The following NEK10 variants were observed in gnomAD, a reference collection of about 807,000 sequenced individuals.
NEK10 encodes serine/threonine-protein kinase Nek10.
Under a neutral mutation model 159.8 loss-of-function variants are expected in NEK10, and 122 were observed. That is an observed-to-expected ratio of 0.76 (90% CI 0.66 to 0.89). The LOEUF (loss-of-function observed/expected upper bound fraction) is 0.89. Ranked by LOEUF, NEK10 falls within the 40% of genes least tolerant of loss-of-function variation. The probability of loss-of-function intolerance (pLI) is 0.00; values close to 1 mark genes in which losing one functional copy is unlikely to be tolerated. For missense variants in NEK10, 1,342 were observed against 1,323.1 expected (o/e 1.01, Z -0.22); for synonymous variants, 466 against 457.1 (o/e 1.02, Z -0.25).
At chr3:27,339,809 T>C (rs2047075513) in intron 5 of NEK10, among the ~76,000 whole-genome samples, 1 of 147,316 alleles carries the variant, frequency 6.8e-6, no homozygotes, top group South Asian at 2.1e-4. Context: ...CACAATGAGA[T>C]AGCATCTCAC....
intron 30 of NEK10, among the ~76,000 whole-genome samples, chr3:27,145,496 T>G (rs1944213391): frequency 6.6e-6 from 1 of 150,952 alleles, no homozygotes; most frequent in African/African-American, 2.5e-5. Flanking sequence ...CATTACATAA[T>G]TATATTTGCT....
chr3:27,312,974 T>C (rs1559483778), intron 7 of NEK10, among the ~76,000 whole-genome samples: 2 of 152,096 alleles, frequency 1.3e-5, no homozygotes, highest in Non-Finnish European at 2.9e-5. Context: ...ATTATGAAAA[T>C]CATTCTTTCT....
rs1364326644 is a variant in NEK10 at position 27,106,533 on chromosome 3, T to C, written c.*4739A>G. Among the ~76,000 whole-genome samples, 2 of 152,238 alleles carry C rather than the reference T, an allele frequency of 1.3e-5. No individual in the cohort carries two copies. Among genetic ancestry groups the C allele is most frequent in the Middle Eastern group, 3.2e-3 (1 of 316 alleles). Reference sequence around the variant, plus strand: ...ATTTAATAGCCATTTACAAGCTTTATATTCTATTTCAGAATCTTGACTCAA... The same window carrying C: ...ATTTAATAGCCATTTACAAGCTTTACATTCTATTTCAGAATCTTGACTCAA... On this transcript the variant is annotated 3_prime_UTR_variant, in exon 36 of 36. Transcript: ENST00000691995.
intron 5 of NEK10, among the ~76,000 whole-genome samples, chr3:27,335,744 C>T (rs181337909): frequency 8.5e-5 from 13 of 152,252 alleles, no homozygotes; most frequent in Middle Eastern, 3.4e-3. Flanking sequence ...GGAAATTAAA[C>T]ATTTGCTCCT....
At chr3:27,303,138 T>C (rs1388306650) in intron 12 of NEK10, among the ~76,000 whole-genome samples, 5 of 152,168 alleles carry the variant, frequency 3.3e-5, no homozygotes, top group African/African-American at 1.2e-4. Context: ...ATATTTAACA[T>C]AGAATAAGAG....
intron 18 of NEK10, 45 bp downstream of exon 18, chr3:27,291,217 G>C: frequency 6.4e-7 from 1 of 1,574,526 alleles, no homozygotes; most frequent in Non-Finnish European, 8.6e-7. Flanking sequence ...TGTGACATCC[G>C]GTTTGGTTGG....
intron 1 of NEK10, among the ~76,000 whole-genome samples, chr3:27,354,482 T>C (rs939262863): frequency 6.6e-6 from 1 of 152,172 alleles, no homozygotes; most frequent in Admixed American, 6.5e-5. Context: ...AAACAGATAA[T>C]TGTCTTTAGG....
chr3:27,301,563 C>G (rs1361957473), intron 13 of NEK10, 133 bp downstream of exon 13: 13 of 654,550 alleles, frequency 2.0e-5, no homozygotes, highest in Non-Finnish European at 3.2e-5. Flanking sequence ...TTTCTGGCAT[C>G]CATGTGGATT....
intron 33 of NEK10, 94 bp from the exon 34 acceptor site, chr3:27,116,221 C>A: frequency 1.9e-6 from 2 of 1,079,148 alleles, no homozygotes; most frequent in Non-Finnish European, 1.4e-6. Flanking sequence ...ACAGGGCAAA[C>A]AGGTCAATTT....
At chr3:27,208,857 C>T (rs377001048) in intron 23 of NEK10, among the ~76,000 whole-genome samples, 6 of 152,178 alleles carry the variant, frequency 3.9e-5, no homozygotes, top group African/African-American at 1.4e-4. Context: ...ATAAGCCTGG[C>T]ATCACGGAAA....
In NEK10 at chr3:27,112,776, G is replaced by A. The variant is rs185168473; in HGVS notation, c.3300-1456C>T. ...TGTGGCCATGAAACTTTATTTTTCA[G>A]AGACTATCTATTGACATCTTTGATA... On this transcript the variant is annotated intron_variant, in intron 35 of 35. Coordinates refer to ENST00000691995, the MANE Select transcript of NEK10 (RefSeq NM_001394966.1). Among the ~76,000 whole-genome samples the A allele has an allele frequency of 2.7e-3, 410 of 152,264 alleles. 6 individuals are homozygous for A. The highest frequency in any genetic ancestry group is 6.8e-3 in the Middle Eastern group (2 of 294).
At chr3:27,154,172 C>T (rs796121393) in intron 30 of NEK10, among the ~76,000 whole-genome samples, 77 of 152,202 alleles carry the variant, frequency 5.1e-4, no homozygotes, top group African/African-American at 1.7e-3. Context: ...ACTATGAACA[C>T]CTTTAAGAAT....
chr3:27,273,961 G>C (rs2041573463), intron 22 of NEK10, among the ~76,000 whole-genome samples: 1 of 152,144 alleles, frequency 6.6e-6, no homozygotes, highest in African/African-American at 2.4e-5. Context: ...AGGTCATTCA[G>C]ATTCTAATCT....
In NEK10 at chr3:27,174,512, C is replaced by T. The variant is rs375301490; in HGVS notation, c.2703G>A (p.Glu901=). The T allele has an allele frequency of 2.0e-5, 32 of 1,611,964 alleles. No individual in the cohort carries two copies. The highest frequency in any genetic ancestry group is 2.7e-5 in the Non-Finnish European group (32 of 1,179,526). The change falls in exon 28 of 36, where the codon GAG becomes GAA. Residue 901 remains glutamate, a synonymous_variant. Coordinates refer to ENST00000691995, the MANE Select transcript of NEK10 (RefSeq NM_001394966.1). ...LENAEKDTYS[E]VDDELDISDN... The stretch of plus-strand genomic sequence containing the variant: ...CCGAAATGTCCAATTCATCATCTAC[C>T]TCTGAATATGTATCTGCACATTAAT...
intron 32 of NEK10, among the ~76,000 whole-genome samples, chr3:27,129,889 G>GTTT (rs199948729): frequency 1.2e-4 from 17 of 144,948 alleles, no homozygotes; most frequent in African/African-American, 3.0e-4. Flanking sequence ...ATTAAGAAAG[G>GTTT]TTTTTTTTTT....
intron 6 of NEK10, 73 bp downstream of exon 6, chr3:27,322,104 A>G: frequency 1.3e-6 from 1 of 773,792 alleles, no homozygotes. Context: ...GGACTACTTC[A>G]AAGAAAAGCC....
intron 26 of NEK10, among the ~76,000 whole-genome samples, chr3:27,183,629 T>C (rs950033833): frequency 2.6e-5 from 4 of 152,024 alleles, no homozygotes; most frequent in African/African-American, 9.7e-5. Context: ...ATGTCATTAA[T>C]TTAAAAAAAC....
chr3:27,229,729 T>C (rs1953031323), intron 23 of NEK10, among the ~76,000 whole-genome samples: 1 of 152,036 alleles, frequency 6.6e-6, no homozygotes. Flanking sequence ...CAAAATGCAA[T>C]GGACAGTTTC....
At chr3:27,282,625 ATATACATAACTGTGT>A (rs2042276295) in intron 22 of NEK10, among the ~76,000 whole-genome samples, 1 of 146,142 alleles carries the variant, frequency 6.8e-6, no homozygotes, top group African/African-American at 2.5e-5. Context: ...TGTTATATAT[ATATACATAACTGTGT>A]TATATATATA....
Sources: allele counts gnomAD v4.1 joint callset (sites outside exome capture counted in the v4.1 genomes callset), GRCh38; gene constraint gnomAD v4.1.1; transcripts MANE v1.5; gene names NCBI Gene and HGNC (gene_info 2026-07-23, HGNC 2026-07-21).